NCK1: variants seen among roughly 807,000 people sequenced by gnomAD.
NCK1 encodes SH2/SH3 adapter protein NCK1.
NCK1 carries 19 observed loss-of-function variants against 36.6 expected under a neutral mutation model. The ratio of observed to expected loss-of-function variants is 0.52; its 90% CI spans 0.36 to 0.76. The LOEUF (loss-of-function observed/expected upper bound fraction) is 0.76. Among genes scored for constraint, NCK1 ranks in the 30% least tolerant of loss-of-function variants. The probability of loss-of-function intolerance (pLI) is 0.00; values close to 1 mark genes in which losing one functional copy is unlikely to be tolerated. For synonymous variants in NCK1, 165 were observed against 156.0 expected, an observed-to-expected ratio of 1.06 and a Z score of -0.43; for missense variants, 358 against 445.6, an observed-to-expected ratio of 0.80 and a Z score of 1.77.
At chr3:136,926,860 TG>T (rs1560049495) in intron 1 of NCK1, among the ~76,000 whole-genome samples, 1 of 152,244 alleles carries the variant, frequency 6.6e-6, no homozygotes, top group Non-Finnish European at 1.5e-5. Flanking sequence ...GATTGCTTTT[TG>T]TATGTGTTTC....
intron 1 of NCK1, among the ~76,000 whole-genome samples, chr3:136,866,634 T>C (rs1307078578): frequency 6.6e-6 from 1 of 150,528 alleles, no homozygotes; most frequent in African/African-American, 2.4e-5. Flanking sequence ...TTTTTTTCTT[T>C]GAGGCGTCTC....
chr3:136,925,947 A>G (rs1249509744), intron 1 of NCK1, among the ~76,000 whole-genome samples: 1 of 152,170 alleles, frequency 6.6e-6, no homozygotes, highest in Non-Finnish European at 1.5e-5. Flanking sequence ...TTACATTCTC[A>G]TCAGCAGTAT....
chr3:136,913,262 G>C (rs557530684), intron 1 of NCK1, among the ~76,000 whole-genome samples: 69 of 152,076 alleles, frequency 4.5e-4, no homozygotes, highest in African/African-American at 1.5e-3. Flanking sequence ...CTCAGGATTT[G>C]CTGGGTTTTT....
intron 2 of NCK1, chr3:136,930,446 G>T: frequency 8.0e-7 from 1 of 1,247,400 alleles, no homozygotes; most frequent in Non-Finnish European, 1.0e-6. Context: ...GTGTGGGCCA[G>T]GTCACATGGA....
At chr3:136,931,989 G>A (rs1156357532) in intron 2 of NCK1, among the ~76,000 whole-genome samples, 7 of 151,944 alleles carry the variant, frequency 4.6e-5, no homozygotes, top group Admixed American at 2.0e-4. Flanking sequence ...GCGTGGTGGC[G>A]GGTGCCTGTA....
At chr3:136,876,478 A>G (rs1938775877) in intron 1 of NCK1, among the ~76,000 whole-genome samples, 1 of 152,208 alleles carries the variant, frequency 6.6e-6, no homozygotes, top group Non-Finnish European at 1.5e-5. Flanking sequence ...ATCACCACCG[A>G]TCCCACAGAA....
At chr3:136,929,528 C>T (rs778052253) in intron 2 of NCK1, among the ~76,000 whole-genome samples, 8 of 152,062 alleles carry the variant, frequency 5.3e-5, no homozygotes, top group Non-Finnish European at 1.2e-4. Flanking sequence ...GAAGACAAAT[C>T]AGAAAGAGAT....
chr3:136,890,074 G>A (rs572916742), intron 1 of NCK1, among the ~76,000 whole-genome samples: 5 of 152,270 alleles, frequency 3.3e-5, no homozygotes, highest in African/African-American at 4.8e-5. Flanking sequence ...GGGGAGGCTC[G>A]GGCGGCACAG....
At chr3:136,869,582 T>C (rs1019484824) in intron 1 of NCK1, among the ~76,000 whole-genome samples, 7 of 152,144 alleles carry the variant, frequency 4.6e-5, no homozygotes, top group African/African-American at 1.7e-4. Flanking sequence ...ATTTGTTCCA[T>C]TTGGTGAGTT....
chr3:136,927,780 A>G (rs1050794961), intron 1 of NCK1, among the ~76,000 whole-genome samples: 7 of 152,174 alleles, frequency 4.6e-5, no homozygotes, highest in African/African-American at 1.7e-4. Context: ...TGGCCTCCCA[A>G]AGTGCTGGGA....
intron 1 of NCK1, among the ~76,000 whole-genome samples, chr3:136,923,278 G>A (rs541470137): frequency 1.5e-4 from 22 of 147,748 alleles, no homozygotes; most frequent in South Asian, 1.1e-3. Context: ...TGTCCAGGCC[G>A]GGCGCGGTGG....
chr3:136,868,708 C>G (rs374819381), intron 1 of NCK1, among the ~76,000 whole-genome samples: 6 of 152,124 alleles, frequency 3.9e-5, no homozygotes, highest in Non-Finnish European at 7.4e-5. Flanking sequence ...TTTGTCTTTT[C>G]GAATCTCTTG....
Position 136,862,367 on chromosome 3 carries a change from G to T in NCK1, c.-19+14G>T, listed in dbSNP as rs1938245806. 1 of 152,756 alleles carries T rather than the reference G, an allele frequency of 6.5e-6. No homozygotes were observed. The highest frequency in any genetic ancestry group is 2.1e-4 in the South Asian group (1 of 4,834). 9.5% of individuals were successfully genotyped at this position (152,756 alleles called of 1,614,324 possible). ...GGCAGCGGGAAGGTGAGACGGCCTT[G>T]TTGGCAGGCAGACACACACACACCC... is the stretch of plus-strand genomic sequence containing the variant. On this transcript the variant is annotated intron_variant, in intron 1 of 3. Transcript: ENST00000481752.
chr3:136,906,991 G>C (rs1939703821), intron 1 of NCK1, among the ~76,000 whole-genome samples: 2 of 152,152 alleles, frequency 1.3e-5, no homozygotes, highest in Non-Finnish European at 2.9e-5. Context: ...AGGCAGGGGA[G>C]AGTGATCCTC....
intron 1 of NCK1, among the ~76,000 whole-genome samples, chr3:136,877,277 A>C (rs1214454033): frequency 6.6e-6 from 1 of 152,198 alleles, no homozygotes; most frequent in Non-Finnish European, 1.5e-5. Flanking sequence ...AGATCAAAAT[A>C]ATCAATTCTT....
intron 1 of NCK1, among the ~76,000 whole-genome samples, chr3:136,890,164 G>A (rs532493879): frequency 3.1e-4 from 47 of 152,312 alleles, no homozygotes; most frequent in Non-Finnish European, 4.4e-4. Flanking sequence ...GCTGAGGCCC[G>A]GCAAGAAATC....
intron 1 of NCK1, chr3:136,899,232 G>A (rs1939473881): frequency 3.8e-6 from 1 of 261,708 alleles, no homozygotes; most frequent in South Asian, 5.0e-5. Flanking sequence ...CTTGCTTTCA[G>A]CTGAAGGACT....
chr3:136,922,427 A>G (rs1460666154), intron 1 of NCK1, among the ~76,000 whole-genome samples: 2 of 152,194 alleles, frequency 1.3e-5, no homozygotes, highest in African/African-American at 4.8e-5. Context: ...CCATCTGCCT[A>G]TCACCAGGTT....
At chr3:136,883,935 A>T (rs1939009669) in intron 1 of NCK1, among the ~76,000 whole-genome samples, 1 of 152,248 alleles carries the variant, frequency 6.6e-6, no homozygotes, top group Non-Finnish European at 1.5e-5. Context: ...GGTAAAGAGG[A>T]TAGAAGAGCT....
Sources: allele counts gnomAD v4.1 joint callset (sites outside exome capture counted in the v4.1 genomes callset), GRCh38; gene constraint gnomAD v4.1.1; transcripts MANE v1.5; gene names NCBI Gene and HGNC (gene_info 2026-07-23, HGNC 2026-07-21).